SCAPER: variants seen among roughly 807,000 people sequenced by gnomAD.
The protein encoded by SCAPER is S-phase cyclin A associated protein in the ER.
SCAPER carries 98 observed loss-of-function variants against 182.2 expected under a neutral mutation model. The observed-to-expected ratio is 0.54, with a 90% confidence interval of 0.46 to 0.64. SCAPER has a LOEUF of 0.64. Among genes scored for constraint, SCAPER ranks in the 30% least tolerant of loss-of-function variants. The probability of loss-of-function intolerance (pLI) is 0.00; values close to 1 mark genes in which losing one functional copy is unlikely to be tolerated. For synonymous variants in SCAPER, 605 were observed against 564.6 expected (o/e 1.07, Z -1.01); for missense variants, 1,432 against 1,690.0 (o/e 0.85, Z 2.68).
At position 76,701,767 on chromosome 15, in the gene SCAPER, A is replaced by G. The variant is rs1598253492; in HGVS notation, c.2499T>C (p.Asp833=). ...NTSIQGRELS[D]EEVEHLSLKK... is the part of the protein sequence containing the mutation. ...CAAAAATAAAGTTTACCACTTCTTC[A>G]TCTGACAGTTCACGCCCCTGGATGC... The change falls in exon 20 of 32, where the codon GAT becomes GAC. Residue 833 remains aspartate (D), a synonymous_variant. Transcript: ENST00000563290. 1.2e-6 allele frequency: 2 copies of G among 1,613,498 alleles called. No individual in the cohort carries two copies. Among genetic ancestry groups the G allele is most frequent in the East Asian group, 2.2e-5 (1 of 44,848 alleles).
chr15:76,540,282 G>C (rs1005471462), intron 23 of SCAPER, among the ~76,000 whole-genome samples: 2 of 151,968 alleles, frequency 1.3e-5, no homozygotes, highest in Admixed American at 1.3e-4. Context: ...CATGCCTGTA[G>C]TCCTAGCTAC....
chr15:76,446,013 G>A (rs1351295157), intron 25 of SCAPER, among the ~76,000 whole-genome samples: 1 of 152,186 alleles, frequency 6.6e-6, no homozygotes, highest in Non-Finnish European at 1.5e-5. Flanking sequence ...AGAAGGGGCA[G>A]TAGTGATAAT....
intron 15 of SCAPER, among the ~76,000 whole-genome samples, chr15:76,745,272 T>C (rs949904991): frequency 1.3e-5 from 2 of 151,916 alleles, no homozygotes; most frequent in African/African-American, 4.8e-5. Flanking sequence ...AAACCTCGTC[T>C]CTACTAAAAA....
At chr15:76,482,708 C>G (rs999266428) in intron 24 of SCAPER, among the ~76,000 whole-genome samples, 2 of 151,580 alleles carry the variant, frequency 1.3e-5, no homozygotes, top group African/African-American at 4.9e-5. Context: ...TTAGCAATGA[C>G]AAATTGGAAT....
chr15:76,622,507 T>C (rs934432031), intron 21 of SCAPER, among the ~76,000 whole-genome samples: 7 of 152,040 alleles, frequency 4.6e-5, no homozygotes, highest in Non-Finnish European at 7.4e-5. Flanking sequence ...AGATGATGCA[T>C]TGGAATAAAG....
At chr15:76,879,699 G>A (rs1318300899) in intron 2 of SCAPER, among the ~76,000 whole-genome samples, 1 of 152,118 alleles carries the variant, frequency 6.6e-6, no homozygotes, top group East Asian at 1.9e-4. Flanking sequence ...AGCATTCTAA[G>A]AGAGTATTCC....
intron 8 of SCAPER, among the ~76,000 whole-genome samples, chr15:76,788,835 CCTCT>C (rs1353823217): frequency 6.6e-6 from 1 of 151,808 alleles, no homozygotes; most frequent in Non-Finnish European, 1.5e-5. Flanking sequence ...ACATTTTGTC[CCTCT>C]CTATTTTTAT....
chr15:76,838,584 C>G (rs1239220392), intron 5 of SCAPER, among the ~76,000 whole-genome samples: 1 of 152,182 alleles, frequency 6.6e-6, no homozygotes, highest in Non-Finnish European at 1.5e-5. Context: ...TCAAGCCCAG[C>G]TGGCACAGGC....
intron 2 of SCAPER, 81 bp downstream of exon 2, chr15:76,883,731 C>T (rs1016037593): frequency 1.2e-5 from 14 of 1,140,422 alleles, no homozygotes; most frequent in Non-Finnish European, 1.7e-5. Flanking sequence ...AATGAAACAA[C>T]TATTACATTA....
chr15:76,628,636 T>C (rs1027371489), intron 21 of SCAPER, among the ~76,000 whole-genome samples: 3 of 152,192 alleles, frequency 2.0e-5, no homozygotes, highest in African/African-American at 7.2e-5. Flanking sequence ...TCTAGGTGCC[T>C]GTTTATGTAC....
Position 76,795,327 on chromosome 15 carries a change from G to A in SCAPER, c.725C>T (p.Ala242Val). Residue 242 changes from alanine to valine, a missense_variant, in exon 8 of 32, where the codon GCC becomes GTC. Physicochemically the swap from Ala to Val is moderately conservative, Grantham distance 64. Around this residue, in one of 5 missense-constraint regions of SCAPER, gnomAD observed 480 missense variants for 510.2 expected, o/e 0.94. Transcript: ENST00000563290. Reference protein sequence around the residue: ...GSTASSEITPAQSCPPMTVQK... With the variant: ...GSTASSEITPVQSCPPMTVQK... ...CACTGTCATTGGTGGGCAAGACTGG[G>A]CGGGTGTTATTTCTGAAGAAGCAGT... The A allele has an allele frequency of 6.2e-7, 1 of 1,613,354 alleles. No homozygotes were observed. The highest frequency in any genetic ancestry group is 8.5e-7 in the Non-Finnish European group (1 of 1,179,490).
chr15:76,598,913 T>C (rs1355658313), intron 22 of SCAPER, among the ~76,000 whole-genome samples: 2 of 118,338 alleles, frequency 1.7e-5, no homozygotes, highest in African/African-American at 5.1e-5. Flanking sequence ...GTTCTGCACA[T>C]TTATCCCAGA....
At chr15:76,510,221 T>C (rs1366435131) in intron 23 of SCAPER, among the ~76,000 whole-genome samples, 1 of 151,892 alleles carries the variant, frequency 6.6e-6, no homozygotes, top group Non-Finnish European at 1.5e-5. Flanking sequence ...CAAAGATAAA[T>C]AGCTGGAATT....
At chr15:76,452,589 A>T (rs965394214) in intron 25 of SCAPER, among the ~76,000 whole-genome samples, 1 of 152,202 alleles carries the variant, frequency 6.6e-6, no homozygotes, top group African/African-American at 2.4e-5. Context: ...CTTTCATAAG[A>T]ACAATCATTT....
chr15:76,854,241 C>A (rs1599115501), intron 4 of SCAPER, among the ~76,000 whole-genome samples: 1 of 152,026 alleles, frequency 6.6e-6, no homozygotes, highest in African/African-American at 2.4e-5. Flanking sequence ...TGCACTCCAT[C>A]CTGGCAATAG....
chr15:76,757,738 G>A (rs186549832), intron 14 of SCAPER, among the ~76,000 whole-genome samples: 1 of 152,080 alleles, frequency 6.6e-6, no homozygotes, highest in Non-Finnish European at 1.5e-5. Context: ...GCATACAAGG[G>A]TTCCATTTTC....
chr15:76,772,282 A>C (rs1340533210), intron 9 of SCAPER, among the ~76,000 whole-genome samples: 1 of 152,006 alleles, frequency 6.6e-6, no homozygotes, highest in African/African-American at 2.4e-5. Context: ...ATCTAGTCAC[A>C]AGTATGAGGC....
At chr15:76,352,644 T>C (rs2040653861) in intron 30 of SCAPER, among the ~76,000 whole-genome samples, 1 of 151,672 alleles carries the variant, frequency 6.6e-6, no homozygotes, top group African/African-American at 2.4e-5. Flanking sequence ...GAGACGGCGT[T>C]TTACTATGTT....
intron 25 of SCAPER, among the ~76,000 whole-genome samples, chr15:76,460,922 T>A (rs2049123076): frequency 6.6e-6 from 1 of 152,124 alleles, no homozygotes; most frequent in South Asian, 2.1e-4. Context: ...AAATTAACAC[T>A]GGCTCAAAAC....
Sources: gnomAD v4.1 joint callset for allele counts (sites outside exome capture counted in the v4.1 genomes callset) on GRCh38, gnomAD v4.1.1 for gene constraint, gnomAD v4.1.1 regional missense constraint, MANE v1.5 for transcripts, NCBI Gene and HGNC (gene_info 2026-07-23, HGNC 2026-07-21) for gene names.